Variants in NPPC observed in about 807,000 individuals in gnomAD.
NPPC encodes the protein natriuretic peptide C, also known as C-type natriuretic peptide.
NPPC carries 4 observed loss-of-function variants against 10.2 expected under a neutral mutation model. That is an observed-to-expected ratio of 0.39 (90% CI 0.19 to 0.90). The LOEUF (loss-of-function observed/expected upper bound fraction) is 0.90, where lower values mean the gene tolerates loss of function less well. Ranked by LOEUF, NPPC falls within the 40% of genes least tolerant of loss-of-function variation. The probability of loss-of-function intolerance (pLI) is 0.37; values close to 1 mark genes in which losing one functional copy is unlikely to be tolerated. For missense variants in NPPC, 182 were observed against 173.8 expected (o/e 1.05, Z -0.26); for synonymous variants, 83 against 87.3 (o/e 0.95, Z 0.27).
chr2:231,925,369 C>T (rs894599902), intron 2 of NPPC, 36 bp downstream of exon 2: 2 of 1,460,304 alleles, frequency 1.4e-6, no homozygotes, highest in Non-Finnish European at 1.8e-6. Context: ...GGTCCCGGGC[C>T]GGGCTGGGGC....
chr2:231,922,096 A>G lies in NPPC; in HGVS notation c.*240T>C, dbSNP rs1317295039. The G allele has an allele frequency of 6.6e-6, 1 of 150,760 alleles. No homozygotes were observed. Among genetic ancestry groups the G allele is most frequent in the Non-Finnish European group, 1.5e-5 (1 of 67,742 alleles). The allele number at this position is 150,760 out of a possible 1,614,324, so 9.3% of individuals were successfully genotyped here. A position where few individuals can be genotyped will look rare whatever the true frequency, so the allele number is the denominator to read the frequency against. On this transcript the variant is annotated 3_prime_UTR_variant, in exon 3 of 3. Transcript: ENST00000409852. ...GTTTCATGTATATAATATATATATAATATATAACTTTTTATTTTTCATTTT... is the reference window on the plus strand; with the variant it reads ...GTTTCATGTATATAATATATATATAGTATATAACTTTTTATTTTTCATTTT...
chr2:231,925,609 C>T lies in NPPC; in HGVS notation c.197G>A (p.Gly66Asp), dbSNP rs768827380. The T allele has an allele frequency of 1.2e-6, 2 of 1,610,702 alleles. No homozygotes were observed. The highest frequency in any genetic ancestry group is 4.5e-5 in the East Asian group (2 of 44,816). The stretch of plus-strand genomic sequence containing the variant: ...GTCCCGGAGCAGTCGCGACCGGTCG[C>T]CCTTGAGATTGGCGCCCCCGCCCCC... Reference protein sequence around the residue: ...APGGGGANLKGDRSRLLRDLR... With the variant: ...APGGGGANLKDDRSRLLRDLR... The change falls in exon 2 of 3, where the codon GGC (glycine) becomes GAC (aspartate). Residue 66 changes from glycine to aspartate, a missense_variant. Gly to Asp is a moderately conservative substitution (Grantham distance 94). Transcript: ENST00000409852.
Position 231,926,145 on chromosome 2 carries a change from CACG to C in NPPC, c.90+12_90+14del, listed in dbSNP as rs1290379156. Reference sequence around the variant, plus strand: ...ACGCCTCTCCCAGGCTCGGCGTCCCCACGACAGCACCCACCTTCGGCGGCGCCC... The same window carrying C: ...ACGCCTCTCCCAGGCTCGGCGTCCCCACAGCACCCACCTTCGGCGGCGCCC... On this transcript the variant is annotated intron_variant, in intron 1 of 2. Coordinates refer to ENST00000409852, the MANE Select transcript of NPPC (RefSeq NM_024409.4). 3.1e-6 allele frequency: 4 copies of C among 1,283,670 alleles called. No homozygotes were observed. The African/African-American group carries it at 6.2e-5, about 20-fold the overall frequency. 79.5% of individuals were successfully genotyped at this position (1,283,670 alleles called of 1,614,324 possible). A position where few individuals can be genotyped will look rare whatever the true frequency, so the allele number is the denominator to read the frequency against.
intron 2 of NPPC, among the ~76,000 whole-genome samples, chr2:231,924,238 G>T (rs1691968629): frequency 6.6e-6 from 1 of 152,248 alleles, no homozygotes; most frequent in Admixed American, 6.5e-5. Flanking sequence ...AGTGCCTTAG[G>T]CCAGCACTTC....
At chr2:231,924,450 A>G (rs188235471) in intron 2 of NPPC, among the ~76,000 whole-genome samples, 1 of 152,368 alleles carries the variant, frequency 6.6e-6, no homozygotes, top group Non-Finnish European at 1.5e-5. Flanking sequence ...TGGGACAGGC[A>G]GTGGCAGCTG....
At position 231,924,160 on chromosome 2, in the gene NPPC, G is replaced by T. The variant is rs573949011; in HGVS notation, c.*20+1245C>A. Among the ~76,000 whole-genome samples, 3 of 152,334 alleles carry T rather than the reference G, an allele frequency of 2.0e-5. No homozygotes were observed. In the South Asian group the frequency reaches 6.2e-4, roughly 32 times the overall value. On this transcript the variant is annotated intron_variant, in intron 2 of 2. Transcript: ENST00000409852. ...GCAGGTGGGAGTGGCCATGGGCCAG[G>T]GTGTGCTGGTTTCTCTGGTCATTGA...
chr2:231,923,159 C>T (rs1466056173), intron 2 of NPPC, among the ~76,000 whole-genome samples: 1 of 152,206 alleles, frequency 6.6e-6, no homozygotes, highest in Non-Finnish European at 1.5e-5. Flanking sequence ...GGACCTGGGC[C>T]AGAATGGCTT....
Position 231,926,255 on chromosome 2 carries a change from C to A in NPPC, c.-6G>T. ...AGCAGCTGGGAGAGATGCATGGTGC[C>A]GCTGGGGTCGAGGGGCGCACACGGG... On this transcript the variant is annotated 5_prime_UTR_variant, in exon 1 of 3. Coordinates refer to ENST00000409852, the MANE Select transcript of NPPC (RefSeq NM_024409.4). 7.7e-7 allele frequency: 1 copy of A among 1,297,322 alleles called. No homozygotes were observed. The highest frequency in any genetic ancestry group is 2.6e-5 in the South Asian group (1 of 38,816). 80.4% of individuals were successfully genotyped at this position (1,297,322 alleles called of 1,614,324 possible).
chr2:231,925,778 C>G, intron 1 of NPPC, 63 bp from the exon 2 acceptor site: 1 of 1,415,244 alleles, frequency 7.1e-7, no homozygotes, highest in Non-Finnish European at 9.2e-7. Context: ...GACTCTGATG[C>G]TCCAGCCCCA....
In NPPC at chr2:231,925,446, G is replaced by T. The variant is rs1403787729; in HGVS notation, c.360C>A (p.Ser120=). ...CFGLKLDRIG[S]MSGLGC ...CGCACTAACATCCCAGGCCGCTCAT[G>T]GAGCCGATTCGGTCCAGCTTGAGGC... is the stretch of plus-strand genomic sequence containing the variant. Residue 120 remains serine (S), a synonymous_variant, in exon 2 of 3, where the codon TCC becomes TCA. Coordinates refer to ENST00000409852, the MANE Select transcript of NPPC (RefSeq NM_024409.4). 1.2e-6 allele frequency: 2 copies of T among 1,608,078 alleles called. No homozygotes were observed. The highest frequency in any genetic ancestry group is 3.3e-5 in the Admixed American group (2 of 59,762).
intron 2 of NPPC, among the ~76,000 whole-genome samples, chr2:231,923,764 C>A (rs1691962217): frequency 6.6e-6 from 1 of 152,208 alleles, no homozygotes. Flanking sequence ...CCCGTTTGGC[C>A]ATCACTTGGT....
chr2:231,926,383 G>T lies in NPPC; in HGVS notation c.-134C>A. 2 of 466,808 alleles carry T rather than the reference G, an allele frequency of 4.3e-6. No homozygotes were observed. The highest frequency in any genetic ancestry group is 6.9e-6 in the Non-Finnish European group (2 of 289,448). The allele number at this position is 466,808 out of a possible 1,614,324, so 28.9% of individuals were successfully genotyped here. The stretch of plus-strand genomic sequence containing the variant: ...AGGGTCCCAGTGCTGCGCGGCGCCG[G>T]CTGGGTGCGCTCTGAGCCCGTGACT... On this transcript the variant is annotated 5_prime_UTR_variant, in exon 1 of 3. Coordinates refer to ENST00000409852, the MANE Select transcript of NPPC (RefSeq NM_024409.4).
chr2:231,925,781 C>T (rs11900720), intron 1 of NPPC, 66 bp from the exon 2 acceptor site: 172,164 of 1,411,428 alleles, frequency 0.12, 10,896 homozygotes, highest in Admixed American at 0.21. Flanking sequence ...TCTGATGCTC[C>T]AGCCCCACGC....
rs1310773429 is a variant in NPPC at position 231,925,575 on chromosome 2, C to T, written c.231G>A (p.Val77=). 2.5e-6 allele frequency: 4 copies of T among 1,612,426 alleles called. No individual in the cohort carries two copies. In the South Asian group the frequency reaches 4.4e-5, roughly 18 times the overall value. ...CCCACGCTGCCCGCGACTTGGTGTCCACGCGCAGGTCCCGGAGCAGTCGCG... is the reference window on the plus strand; with the variant it reads ...CCCACGCTGCCCGCGACTTGGTGTCTACGCGCAGGTCCCGGAGCAGTCGCG... ...DRSRLLRDLR[V]DTKSRAAWAR... The change falls in exon 2 of 3, where the codon GTG becomes GTA. Residue 77 remains valine, a synonymous_variant. Coordinates refer to ENST00000409852, the MANE Select transcript of NPPC (RefSeq NM_024409.4).
intron 2 of NPPC, 46 bp downstream of exon 2, chr2:231,925,359 G>A (rs1429509610): frequency 7.1e-6 from 10 of 1,399,308 alleles, no homozygotes; most frequent in Non-Finnish European, 7.4e-6. Context: ...GGCGGCGGGC[G>A]GTCCCGGGCC....
intron 2 of NPPC, among the ~76,000 whole-genome samples, chr2:231,925,054 TC>T (rs985076947): frequency 6.6e-6 from 1 of 152,070 alleles, no homozygotes; most frequent in Admixed American, 6.5e-5. Context: ...CCTTCTCTGC[TC>T]CCACAAACCC....
chr2:231,924,470 A>C (rs1336545835), intron 2 of NPPC, among the ~76,000 whole-genome samples: 2 of 152,220 alleles, frequency 1.3e-5, no homozygotes, highest in Admixed American at 6.5e-5. Flanking sequence ...GCTGAGCTGG[A>C]GGCAAGAAAG....
At chr2:231,926,104 A>C in intron 1 of NPPC, 56 bp downstream of exon 1, 2 of 1,205,096 alleles carry the variant, frequency 1.7e-6, no homozygotes, top group Non-Finnish European at 2.1e-6. Flanking sequence ...CGCATTCTCC[A>C]AGCCCCCAGC....
chr2:231,922,771 C>T (rs1240038691), intron 2 of NPPC, among the ~76,000 whole-genome samples: 3 of 152,194 alleles, frequency 2.0e-5, no homozygotes, highest in Admixed American at 6.5e-5. Context: ...TCTACTCTGA[C>T]GTTGGGTCCC....
Sources: allele counts gnomAD v4.1 joint callset (sites outside exome capture counted in the v4.1 genomes callset), GRCh38; gene constraint gnomAD v4.1.1; transcripts MANE v1.5; gene names NCBI Gene and HGNC (gene_info 2026-07-23, HGNC 2026-07-21).